The following TOP2B variants were observed in gnomAD, a reference collection of about 807,000 sequenced individuals.
TOP2B encodes DNA topoisomerase II beta, also known as DNA topoisomerase 2-beta.
TOP2B carries 51 observed loss-of-function variants against 193.5 expected under a neutral mutation model. The observed-to-expected ratio is 0.26, with a 90% CI of 0.21 to 0.33. The LOEUF (loss-of-function observed/expected upper bound fraction) is 0.33, where lower values mean the gene tolerates loss of function less well. TOP2B is among the 10% of genes least tolerant of loss of function. The pLI is 1.00. For synonymous variants in TOP2B, 634 were observed against 635.7 expected (o/e 1.00, Z 0.04); for missense variants, 1,378 against 1,909.3 (o/e 0.72, Z 5.19).
chr3:25,631,718 T>C (rs1490767241), intron 10 of TOP2B, among the ~76,000 whole-genome samples: 2 of 152,060 alleles, frequency 1.3e-5, no homozygotes, highest in Non-Finnish European at 2.9e-5. Flanking sequence ...ACAATTGTTA[T>C]GAGGACAGAA....
At chr3:25,628,038 C>T (rs1702853352) in intron 15 of TOP2B, among the ~76,000 whole-genome samples, 2 of 149,808 alleles carry the variant, frequency 1.3e-5, no homozygotes, top group South Asian at 4.2e-4. Context: ...GGCAACAGAG[C>T]AAGACTCTAT....
intron 1 of TOP2B, among the ~76,000 whole-genome samples, chr3:25,656,887 C>T (rs988702070): frequency 6.6e-6 from 1 of 152,058 alleles, no homozygotes; most frequent in Non-Finnish European, 1.5e-5. Flanking sequence ...TATGTGAAAA[C>T]ATAATTAAGC....
intron 23 of TOP2B, 22 bp from the exon 24 acceptor site, chr3:25,618,871 T>C (rs970750197): frequency 1.9e-6 from 3 of 1,554,534 alleles, no homozygotes; most frequent in Admixed American, 1.9e-5. Flanking sequence ...ACATATACTT[T>C]GCAGATCATA....
At chr3:25,619,689 T>A (rs1180285543) in intron 23 of TOP2B, among the ~76,000 whole-genome samples, 173 bp downstream of exon 23, 2 of 132,658 alleles carry the variant, frequency 1.5e-5, no homozygotes, top group African/African-American at 5.8e-5. Context: ...TGGACAATAC[T>A]AGAAGAAAGA....
At chr3:25,657,667 CTT>C (rs1703783598) in intron 1 of TOP2B, among the ~76,000 whole-genome samples, 1 of 152,214 alleles carries the variant, frequency 6.6e-6, no homozygotes, top group African/African-American at 2.4e-5. Context: ...GATTTTACCT[CTT>C]TTTATTCTTA....
intron 26 of TOP2B, 35 bp downstream of exon 26, chr3:25,615,396 T>C (rs751900046): frequency 6.5e-7 from 1 of 1,535,976 alleles, no homozygotes; most frequent in Non-Finnish European, 8.7e-7. Flanking sequence ...AACACTGAAA[T>C]AGTTTCAAAC....
intron 18 of TOP2B, among the ~76,000 whole-genome samples, chr3:25,625,899 T>C (rs749363016): frequency 1.3e-5 from 2 of 152,204 alleles, no homozygotes; most frequent in Non-Finnish European, 2.9e-5. Flanking sequence ...ATAATTGGTA[T>C]AGAAGTTTAG....
intron 27 of TOP2B, among the ~76,000 whole-genome samples, chr3:25,614,736 G>T (rs938679156): frequency 2.6e-5 from 4 of 151,628 alleles, no homozygotes; most frequent in African/African-American, 7.3e-5. Context: ...TTTTAGAAAA[G>T]GTGTGCTTTT....
At chr3:25,662,371 T>C (rs1703942818) in intron 1 of TOP2B, among the ~76,000 whole-genome samples, 1 of 152,192 alleles carries the variant, frequency 6.6e-6, no homozygotes, top group Non-Finnish European at 1.5e-5. Flanking sequence ...GACATAAAGA[T>C]GCTCATATAA....
At chr3:25,635,375 A>G (rs1372047546) in intron 7 of TOP2B, among the ~76,000 whole-genome samples, 1 of 152,226 alleles carries the variant, frequency 6.6e-6, no homozygotes, top group Non-Finnish European at 1.5e-5. Flanking sequence ...TAAAGCGATT[A>G]TCAGAAACAG....
intron 13 of TOP2B, 92 bp from the exon 14 acceptor site, chr3:25,629,237 C>A (rs1575574815): frequency 2.2e-6 from 2 of 899,700 alleles, no homozygotes; most frequent in South Asian, 2.3e-5. Flanking sequence ...ATGCAAAAAA[C>A]CAAAATTCTG....
At chr3:25,603,480 C>T (rs558603361) in intron 33 of TOP2B, among the ~76,000 whole-genome samples, 16 of 152,168 alleles carry the variant, frequency 1.1e-4, no homozygotes, top group East Asian at 7.8e-4. Context: ...TGACCTCAAG[C>T]AATCTGCCTG....
At chr3:25,619,799 T>A in intron 23 of TOP2B, 63 bp downstream of exon 23, 1 of 1,203,314 alleles carries the variant, frequency 8.3e-7, no homozygotes. Flanking sequence ...ATGAAACCAA[T>A]TATAATAATC....
chr3:25,624,274 C>A (rs1214622157), intron 20 of TOP2B, 23 bp downstream of exon 20: 2 of 1,612,178 alleles, frequency 1.2e-6, no homozygotes, highest in African/African-American at 1.3e-5. Flanking sequence ...AAACTTTATA[C>A]CATTATATCA....
At chr3:25,655,361 C>A (rs1209522232) in intron 1 of TOP2B, among the ~76,000 whole-genome samples, 1 of 152,030 alleles carries the variant, frequency 6.6e-6, no homozygotes, top group Non-Finnish European at 1.5e-5. Flanking sequence ...ATTAAGACAG[C>A]CATCAGAAAA....
chr3:25,617,006 C>T (rs1702522038), intron 25 of TOP2B, among the ~76,000 whole-genome samples: 1 of 152,134 alleles, frequency 6.6e-6, no homozygotes, highest in East Asian at 1.9e-4. Context: ...TAATAGGACA[C>T]TCTTGTAAGA....
chr3:25,626,449 T>C (rs1409798044), intron 18 of TOP2B, 111 bp downstream of exon 18: 2 of 581,082 alleles, frequency 3.4e-6, no homozygotes, highest in African/African-American at 2.0e-5. Context: ...GCTCTTCATA[T>C]ACAAGATTTA....
rs531285869 is a variant in TOP2B at position 25,664,849 on chromosome 3, A to AGCCGCCGCC, written c.-561_-553dup. The AGCCGCCGCC allele has an allele frequency of 1.1e-4, 113 of 989,542 alleles. No homozygotes were observed. The highest frequency in any genetic ancestry group is 1.3e-4 in the Non-Finnish European group (108 of 832,564). The allele number at this position is 989,542 out of a possible 1,614,324, so 61.3% of individuals were successfully genotyped here. A position where few individuals can be genotyped will look rare whatever the true frequency, so the allele number is the denominator to read the frequency against. ...ACACACCGAGAGGGACAATAAACAGAGCCGCCGCCGCCGCCGCCACGGTCA... is the reference window on the plus strand; with the variant it reads ...ACACACCGAGAGGGACAATAAACAGAGCCGCCGCCGCCGCCGCCGCCGCCGCCACGGTCA... On this transcript the variant is annotated 5_prime_UTR_variant, in exon 1 of 36. Transcript: ENST00000264331.
intron 20 of TOP2B, among the ~76,000 whole-genome samples, chr3:25,624,025 T>C (rs1012309446): frequency 6.6e-6 from 1 of 152,186 alleles, no homozygotes; most frequent in African/African-American, 2.4e-5. Context: ...TTCCTATTAC[T>C]CTAAATAAAG....
Sources: gnomAD v4.1 joint callset for allele counts (sites outside exome capture counted in the v4.1 genomes callset) on GRCh38, gnomAD v4.1.1 for gene constraint, MANE v1.5 for transcripts, NCBI Gene and HGNC (gene_info 2026-07-23, HGNC 2026-07-21) for gene names.